The following RILPL1 variants were observed in gnomAD, a reference collection of about 807,000 sequenced individuals.
RILPL1 encodes the protein Rab interacting lysosomal protein like 1.
In RILPL1, 33 loss-of-function variants were observed where a neutral mutation model predicts 50.3. The observed-to-expected ratio is 0.66, with a 90% confidence interval of 0.50 to 0.88. The LOEUF (loss-of-function observed/expected upper bound fraction) is 0.88. Ranked by LOEUF, RILPL1 falls within the 40% of genes least tolerant of loss-of-function variation. RILPL1 has a pLI of 0.00. For synonymous variants in RILPL1, 205 were observed against 228.6 expected (o/e 0.90, Z 0.93); for missense variants, 418 against 542.5 (o/e 0.77, Z 2.28).
chr12:123,509,097 A>G (rs1883931922), intron 2 of RILPL1, among the ~76,000 whole-genome samples: 1 of 152,120 alleles, frequency 6.6e-6, no homozygotes, highest in Non-Finnish European at 1.5e-5. Flanking sequence ...AGATCACACC[A>G]CTGCACTCCA....
chr12:123,523,118 G>A (rs1424790422), intron 2 of RILPL1, among the ~76,000 whole-genome samples: 4 of 152,016 alleles, frequency 2.6e-5, no homozygotes, highest in Non-Finnish European at 5.9e-5. Flanking sequence ...CCCAGAGCAC[G>A]GCCGCCCCCT....
At chr12:123,525,977 GC>G (rs1230098897) in intron 1 of RILPL1, among the ~76,000 whole-genome samples, 1 of 152,088 alleles carries the variant, frequency 6.6e-6, no homozygotes, top group African/African-American at 2.4e-5. Flanking sequence ...CCGTAAGCTA[GC>G]TCACAAAGCA....
chr12:123,514,032 A>C (rs1438219075), intron 2 of RILPL1: 1 of 152,268 alleles, frequency 6.6e-6, no homozygotes, highest in Non-Finnish European at 1.5e-5. Flanking sequence ...CAGCAGCACT[A>C]TCTGTAGCAG....
intron 1 of RILPL1, among the ~76,000 whole-genome samples, chr12:123,528,879 T>C (rs893590458): frequency 6.6e-6 from 1 of 152,086 alleles, no homozygotes; most frequent in Non-Finnish European, 1.5e-5. Context: ...GCTGCCTCCA[T>C]ACCAGCCCAG....
rs560941539 is a variant in RILPL1 at position 123,491,449 on chromosome 12, C to A, written c.802-5644G>T. Among the ~76,000 whole-genome samples the A allele has an allele frequency of 1.3e-5, 2 of 152,294 alleles. No homozygotes were observed. Among genetic ancestry groups the A allele is most frequent in the East Asian group, 3.9e-4 (2 of 5,172 alleles). ...AGGGAGGCAGCATCCTGGGTCAGGGCCTCCATCCCGAGGCCTTAGGAATGC... is the reference window on the plus strand; with the variant it reads ...AGGGAGGCAGCATCCTGGGTCAGGGACTCCATCCCGAGGCCTTAGGAATGC... On this transcript the variant is annotated intron_variant, in intron 4 of 6. Transcript: ENST00000376874. The surrounding 1 kb of genome is among the most constrained non-coding windows in gnomAD (Gnocchi z 4.0).
chr12:123,529,382 C>A (rs571703820), intron 1 of RILPL1, among the ~76,000 whole-genome samples: 464 of 152,210 alleles, frequency 3.0e-3, no homozygotes, highest in Non-Finnish European at 5.6e-3. Context: ...ACCTTCACCT[C>A]CCAGGTTCAA....
chr12:123,526,793 G>A (rs987848974), intron 1 of RILPL1, among the ~76,000 whole-genome samples: 1 of 152,188 alleles, frequency 6.6e-6, no homozygotes, highest in Non-Finnish European at 1.5e-5. Flanking sequence ...GGTGGTGGAG[G>A]GATGGAGAGG....
intron 5 of RILPL1, chr12:123,484,844 A>ATCTC: frequency 3.9e-6 from 1 of 256,820 alleles, no homozygotes; most frequent in South Asian, 4.6e-5. Context: ...TTTTGTGTAG[A>ATCTC]GATGGGGGTC....
At chr12:123,502,784 A>C (rs1883479447) in intron 2 of RILPL1, among the ~76,000 whole-genome samples, 1 of 152,206 alleles carries the variant, frequency 6.6e-6, no homozygotes, top group South Asian at 2.1e-4. Flanking sequence ...ACACATCAGA[A>C]ATTTATTTTC....
At chr12:123,511,667 T>A (rs1270473762) in intron 2 of RILPL1, among the ~76,000 whole-genome samples, 1 of 137,188 alleles carries the variant, frequency 7.3e-6, no homozygotes, top group African/African-American at 2.8e-5. Flanking sequence ...ATGTGTGAGG[T>A]CTGTGTGTGT....
At chr12:123,520,313 CTTT>C (rs1884952297) in intron 2 of RILPL1, among the ~76,000 whole-genome samples, 1 of 152,204 alleles carries the variant, frequency 6.6e-6, no homozygotes, top group Non-Finnish European at 1.5e-5. Flanking sequence ...AATCCCAACA[CTTT>C]GGGAGGCCAA....
chr12:123,523,783 AC>A, intron 1 of RILPL1, 138 bp from the exon 2 acceptor site: 1 of 928,086 alleles, frequency 1.1e-6, no homozygotes, highest in Non-Finnish European at 1.6e-6. Context: ...CGGCAAGGCC[AC>A]CACGAGTCCC....
At chr12:123,483,221 C>A (rs1005349314) in intron 6 of RILPL1, among the ~76,000 whole-genome samples, 2 of 152,228 alleles carry the variant, frequency 1.3e-5, no homozygotes, top group African/African-American at 4.8e-5. Flanking sequence ...AATGCAGCTC[C>A]AACACTGCAA....
At chr12:123,526,375 G>A (rs1885258939) in intron 1 of RILPL1, among the ~76,000 whole-genome samples, 1 of 152,104 alleles carries the variant, frequency 6.6e-6, no homozygotes. Flanking sequence ...GGACACTGGA[G>A]CCTGCCGCCC....
Position 123,491,204 on chromosome 12 carries a change from G to C in RILPL1, c.802-5399C>G, listed in dbSNP as rs1234058710. ...GACCAAGGAGGCTCTTTCCAAGATG[G>C]CAATCGAGCTCCATCTGCCGTGGTC... On this transcript the variant is annotated intron_variant, in intron 4 of 6. Coordinates refer to ENST00000376874, the MANE Select transcript of RILPL1 (RefSeq NM_178314.5). This position sits in a 1 kb window ranked among gnomAD's most constrained non-coding sequence, Gnocchi z 4.0. Among the ~76,000 whole-genome samples the C allele has an allele frequency of 6.6e-6, 1 of 152,226 alleles. No homozygotes were observed. Among genetic ancestry groups the C allele is most frequent in the East Asian group, 1.9e-4 (1 of 5,190 alleles).
intron 2 of RILPL1, among the ~76,000 whole-genome samples, chr12:123,512,742 TTTG>T (rs1431523000): frequency 2.6e-4 from 32 of 121,192 alleles, no homozygotes; most frequent in Middle Eastern, 6.5e-3. Context: ...GTGTGTGAAG[TTTG>T]TGTGTGTGTG....
At chr12:123,510,283 G>A (rs543014094) in intron 2 of RILPL1, among the ~76,000 whole-genome samples, 11 of 152,332 alleles carry the variant, frequency 7.2e-5, no homozygotes, top group South Asian at 2.1e-4. Flanking sequence ...CTGCTGCAGA[G>A]CAGTGCTGGG....
chr12:123,493,562 C>A (rs1338574835), intron 4 of RILPL1, among the ~76,000 whole-genome samples: 1 of 152,136 alleles, frequency 6.6e-6, no homozygotes, highest in Non-Finnish European at 1.5e-5. Context: ...GGAGGGGCAA[C>A]CCACCCCTTC....
intron 6 of RILPL1, among the ~76,000 whole-genome samples, chr12:123,482,404 C>T (rs9778175): frequency 0.026 from 3,927 of 152,106 alleles, 118 homozygotes; most frequent in African/African-American, 0.079. Flanking sequence ...GGAAGGGAGT[C>T]GTGCACCAGC....
Sources: allele counts gnomAD v4.1 joint callset (sites outside exome capture counted in the v4.1 genomes callset), GRCh38; gene constraint gnomAD v4.1.1; non-coding constraint Gnocchi (gnomAD v3.1); transcripts MANE v1.5; gene names NCBI Gene and HGNC (gene_info 2026-07-23, HGNC 2026-07-21).